The following DLGAP2 variants were observed in gnomAD, a reference collection of about 807,000 sequenced individuals.
DLGAP2 encodes the protein disks large-associated protein 2.
In DLGAP2, 26 loss-of-function variants were observed where a neutral mutation model predicts 100.3. The ratio of observed to expected loss-of-function variants is 0.26; its 90% confidence interval spans 0.19 to 0.36. The LOEUF (loss-of-function observed/expected upper bound fraction) is 0.36, where lower values mean the gene tolerates loss of function less well. Ranked by LOEUF, DLGAP2 falls within the 10% of genes least tolerant of loss-of-function variation. The probability of loss-of-function intolerance (pLI) is 1.00; values close to 1 mark genes in which losing one functional copy is unlikely to be tolerated. For synonymous variants in DLGAP2, 886 were observed against 630.1 expected, an observed-to-expected ratio of 1.41 and a Z score of -6.08; for missense variants, 1,858 against 1,453.2, an observed-to-expected ratio of 1.28 and a Z score of -4.53.
rs1188000864 is a variant in DLGAP2, at chr8:940,511, G to C, written c.73+32545G>C. ...GACATCGTCTGTGAGTGTATTGTGA[G>C]GAACATGCAGGAGCTGACCACATCC... On this transcript the variant is annotated intron_variant, in intron 2 of 14. Coordinates refer to ENST00000637795, the MANE Select transcript of DLGAP2 (RefSeq NM_001346810.2). Among the ~76,000 whole-genome samples the C allele has an allele frequency of 2.0e-5, 3 of 152,242 alleles. No homozygotes were observed. In the East Asian group the frequency reaches 5.8e-4, roughly 30 times the overall value.
chr8:1,650,530 CGT>C (rs1332140321), intron 8 of DLGAP2, among the ~76,000 whole-genome samples: 1 of 152,200 alleles, frequency 6.6e-6, no homozygotes, highest in Admixed American at 6.5e-5. Context: ...CTAAAACACC[CGT>C]GTTATCTGGC....
chr8:1,307,704 C>T (rs1165332645), intron 3 of DLGAP2, among the ~76,000 whole-genome samples: 10 of 152,168 alleles, frequency 6.6e-5, no homozygotes, highest in African/African-American at 2.4e-4. Context: ...AAATGAGATG[C>T]TGACACATGG....
intron 2 of DLGAP2, among the ~76,000 whole-genome samples, chr8:1,206,868 C>T (rs921712469): frequency 2.6e-5 from 4 of 152,184 alleles, no homozygotes; most frequent in African/African-American, 9.7e-5. Flanking sequence ...TGTCAGCCTT[C>T]TCACGATCCA....
intron 3 of DLGAP2, among the ~76,000 whole-genome samples, chr8:1,482,683 C>A (rs1799129431): frequency 6.6e-6 from 1 of 152,224 alleles, no homozygotes; most frequent in Non-Finnish European, 1.5e-5. Flanking sequence ...GTTCCCACGG[C>A]CGCCCCGGCC....
intron 1 of DLGAP2, among the ~76,000 whole-genome samples, chr8:862,343 C>T (rs1797408563): frequency 1.3e-5 from 2 of 151,104 alleles, no homozygotes; most frequent in South Asian, 4.2e-4. Context: ...CACTCTGTCG[C>T]CCAGGCTGGA....
intron 3 of DLGAP2, chr8:1,380,937 C>CAAAAAAAAAA (rs34675828): frequency 1.0e-4 from 8 of 77,094 alleles, no homozygotes; most frequent in Admixed American, 1.7e-4. Flanking sequence ...GAACATGATT[C>CAAAAAAAAAA]AAAAAAAAAA....
At chr8:1,663,295 G>A (rs1306081238) in intron 8 of DLGAP2, among the ~76,000 whole-genome samples, 1 of 152,226 alleles carries the variant, frequency 6.6e-6, no homozygotes. Flanking sequence ...AAGAAATGAA[G>A]GGGTGGTGGC....
At chr8:1,163,724 GTGT>G (rs1796937515) in intron 2 of DLGAP2, among the ~76,000 whole-genome samples, 1 of 152,180 alleles carries the variant, frequency 6.6e-6, no homozygotes, top group African/African-American at 2.4e-5. Flanking sequence ...GTGGTAATTG[GTGT>G]TGGTGGGAGT....
At chr8:1,465,945 A>G (rs1187877404) in intron 3 of DLGAP2, among the ~76,000 whole-genome samples, 6 of 152,130 alleles carry the variant, frequency 3.9e-5, no homozygotes, top group African/African-American at 1.2e-4. Context: ...CCTTGGGGAG[A>G]GAAAGGAGCA....
In DLGAP2 at chr8:1,006,086, G is replaced by A. The variant is rs150933367; in HGVS notation, c.73+98120G>A. On this transcript the variant is annotated intron_variant, in intron 2 of 14. Coordinates refer to ENST00000637795, the MANE Select transcript of DLGAP2 (RefSeq NM_001346810.2). ...CACCTGTAATCACAGGTACTCGGGAGGCTGAGGCAGGAGAATCACTTGAAC... is the reference window on the plus strand; with the variant it reads ...CACCTGTAATCACAGGTACTCGGGAAGCTGAGGCAGGAGAATCACTTGAAC... 5.0e-4 allele frequency among the ~76,000 whole-genome samples: 76 copies of A among 152,232 alleles called. 2 individuals are homozygous for A. The highest frequency in any genetic ancestry group is 3.4e-3 in the Middle Eastern group (1 of 294).
intron 1 of DLGAP2, among the ~76,000 whole-genome samples, chr8:859,919 G>GT (rs1422595704): frequency 1.1e-4 from 17 of 152,226 alleles, no homozygotes; most frequent in Admixed American, 9.2e-4. Flanking sequence ...TGGGCTTCCC[G>GT]TAACATTTCC....
At chr8:1,391,990 G>A (rs1201852128) in intron 3 of DLGAP2, among the ~76,000 whole-genome samples, 1 of 152,170 alleles carries the variant, frequency 6.6e-6, no homozygotes, top group East Asian at 1.9e-4. Context: ...CAGAAAACCA[G>A]GTCGTAGGAC....
At chr8:1,065,755 G>T (rs1188299072) in intron 2 of DLGAP2, among the ~76,000 whole-genome samples, 1 of 152,148 alleles carries the variant, frequency 6.6e-6, no homozygotes, top group Non-Finnish European at 1.5e-5. Context: ...TGCTCCTTGT[G>T]GGGGCAGTTC....
At chr8:1,388,869 A>T (rs1458380798) in intron 3 of DLGAP2, among the ~76,000 whole-genome samples, 1 of 105,380 alleles carries the variant, frequency 9.5e-6, no homozygotes, top group African/African-American at 3.8e-5. Context: ...GAGGCCGTGG[A>T]TGGGGAGGCG....
At chr8:1,165,646 C>T (rs1160378455) in intron 2 of DLGAP2, among the ~76,000 whole-genome samples, 1 of 152,170 alleles carries the variant, frequency 6.6e-6, no homozygotes, top group Non-Finnish European at 1.5e-5. Flanking sequence ...ACATGATTTT[C>T]GTCTTTTTTA....
intron 14 of DLGAP2, among the ~76,000 whole-genome samples, chr8:1,697,925 T>C (rs1214217330): frequency 6.6e-6 from 1 of 152,240 alleles, no homozygotes; most frequent in Non-Finnish European, 1.5e-5. Flanking sequence ...AGTTCTGAGT[T>C]AGCAGCAAAG....
intron 3 of DLGAP2, among the ~76,000 whole-genome samples, chr8:1,444,601 C>T (rs1481862302): frequency 6.6e-6 from 1 of 152,066 alleles, no homozygotes; most frequent in Admixed American, 6.6e-5. Context: ...AGAACCCTCC[C>T]TCCACCTCCT....
chr8:1,154,964 A>C (rs1796754958), intron 2 of DLGAP2, among the ~76,000 whole-genome samples: 1 of 152,148 alleles, frequency 6.6e-6, no homozygotes, highest in South Asian at 2.1e-4. Flanking sequence ...GCCCCTCACC[A>C]GGACGTGAAT....
chr8:1,465,239 C>G (rs10095957), intron 3 of DLGAP2, among the ~76,000 whole-genome samples: 25,560 of 152,278 alleles, frequency 0.17, 2,613 homozygotes, highest in Middle Eastern at 0.25. Flanking sequence ...CACGTGGGTT[C>G]CATTCATTTG....
Sources: allele counts gnomAD v4.1 joint callset (sites outside exome capture counted in the v4.1 genomes callset), GRCh38; gene constraint gnomAD v4.1.1; transcripts MANE v1.5; gene names NCBI Gene and HGNC (gene_info 2026-07-23, HGNC 2026-07-21).